Variants in DPP3 observed in about 807,000 individuals in gnomAD.
DPP3 encodes dipeptidyl peptidase 3.
DPP3 carries 64 observed loss-of-function variants against 89.8 expected under a neutral mutation model. The observed-to-expected ratio is 0.71, with a 90% CI of 0.58 to 0.88. The LOEUF (loss-of-function observed/expected upper bound fraction) is 0.88, where lower values mean the gene tolerates loss of function less well. DPP3 is among the 40% of genes least tolerant of loss of function. DPP3 has a pLI of 0.00. For missense variants in DPP3, 835 were observed against 972.5 expected (o/e 0.86, Z 1.88); for synonymous variants, 377 against 404.3 (o/e 0.93, Z 0.81).
intron 6 of DPP3, among the ~76,000 whole-genome samples, chr11:66,489,410 C>T (rs1855317124): frequency 6.6e-6 from 1 of 152,118 alleles, no homozygotes; most frequent in Non-Finnish European, 1.5e-5. Context: ...CCACTGTTGT[C>T]TCCCTGGTGC....
intron 7 of DPP3, 29 bp downstream of exon 7, chr11:66,491,412 G>C (rs1022802836): frequency 6.2e-7 from 1 of 1,609,888 alleles, no homozygotes; most frequent in Admixed American, 1.7e-5. Context: ...TGAGGGGTGC[G>C]GGCTGAGGAC....
chr11:66,491,791 CT>C, intron 9 of DPP3, 35 bp downstream of exon 9: 1 of 1,609,890 alleles, frequency 6.2e-7, no homozygotes, highest in Non-Finnish European at 8.5e-7. Context: ...GTCACAGTCC[CT>C]TCCCCCACAT....
rs543893390 is a variant in DPP3 at position 66,493,139 on chromosome 11, C to T, written c.1256C>T (p.Thr419Met). Residue 419 changes from threonine (T) to methionine (M), a missense_variant, in exon 11 of 18, where the codon ACG becomes ATG. Transcript: ENST00000531863. ...AATGTGCTGGCTGTGGCCTACGCCACGCAGCGGGAGAAGCTTACCTTTCTG... is the reference window on the plus strand; with the variant it reads ...AATGTGCTGGCTGTGGCCTACGCCATGCAGCGGGAGAAGCTTACCTTTCTG... Reference protein sequence around the residue: ...LGNVLAVAYATQREKLTFLEE... With the variant: ...LGNVLAVAYAMQREKLTFLEE... 1.3e-5 allele frequency: 21 copies of T among 1,614,086 alleles called. No homozygotes were observed. The highest frequency in any genetic ancestry group is 4.5e-5 in the East Asian group (2 of 44,888).
At chr11:66,482,076 T>C in intron 1 of DPP3, 117 bp from the exon 2 acceptor site, 1 of 1,405,602 alleles carries the variant, frequency 7.1e-7, no homozygotes, top group Non-Finnish European at 9.6e-7. Context: ...ATGGGTACAA[T>C]AGTATTCCCT....
rs147291241 is a variant in DPP3, at chr11:66,504,664, A to G, written c.1931A>G (p.Tyr644Cys). The G allele has an allele frequency of 6.8e-6, 11 of 1,613,366 alleles. No homozygotes were observed. The highest frequency in any genetic ancestry group is 9.3e-6 in the Non-Finnish European group (11 of 1,179,850). ...VAGGRALYEG[Y>C]ATVTDAPPEC... The stretch of plus-strand genomic sequence containing the variant: ...GGAGGGCGGGCCCTGTACGAGGGGT[A>G]TGCAACAGTCACTGATGCGCCCCCC... The change falls in exon 17 of 18, where the codon TAT becomes TGT. Residue 644 changes from tyrosine to cysteine, a missense_variant. Tyr to Cys is a radical substitution (Grantham distance 194, BLOSUM62 -2). Transcript: ENST00000531863.
intron 3 of DPP3, among the ~76,000 whole-genome samples, chr11:66,485,797 G>A (rs1855209460): frequency 6.6e-6 from 1 of 152,196 alleles, no homozygotes; most frequent in Admixed American, 6.5e-5. Context: ...CCAAGCTGAA[G>A]TGTAGTGGTG....
In DPP3 at chr11:66,498,874, G is replaced by A. The variant is rs571885487; in HGVS notation, c.1878+1397G>A. The stretch of plus-strand genomic sequence containing the variant: ...CAAAAAATTTTAAAAATAGCCAAGT[G>A]TGGTGATGCACGCCTGTGGTCGCAG... On this transcript the variant is annotated intron_variant, in intron 16 of 17. Transcript: ENST00000531863. Among the ~76,000 whole-genome samples, 4 of 152,244 alleles carry A rather than the reference G, an allele frequency of 2.6e-5. No homozygotes were observed. In the East Asian group the frequency reaches 7.7e-4, roughly 29 times the overall value.
chr11:66,491,542 G>C lies in DPP3; in HGVS notation c.847G>C (p.Glu283Gln). The change falls in exon 8 of 18, where the codon GAG becomes CAG. Residue 283 changes from glutamate to glutamine, a missense_variant. Transcript: ENST00000531863. ...HQGQMLAQYI[E>Q]SFTQGSIEAH... ...GGGGCAGATGCTGGCCCAGTATATA[G>C]AGAGCTTCACCCAGGGCTCCATCGA... The C allele has an allele frequency of 2.5e-6, 4 of 1,613,562 alleles. No individual in the cohort carries two copies. The highest frequency in any genetic ancestry group is 3.4e-6 in the Non-Finnish European group (4 of 1,179,810).
At chr11:66,506,599 G>A (rs1855808658) in intron 17 of DPP3, among the ~76,000 whole-genome samples, 1 of 151,840 alleles carries the variant, frequency 6.6e-6, no homozygotes, top group Non-Finnish European at 1.5e-5. Context: ...GCTTTTCCAT[G>A]CTCTCCAGAG....
At chr11:66,493,278 C>A in intron 11 of DPP3, 99 bp downstream of exon 11, 1 of 1,078,590 alleles carries the variant, frequency 9.3e-7, no homozygotes, top group Non-Finnish European at 1.4e-6. Flanking sequence ...AAGCACATAG[C>A]TTCAGTCCTG....
chr11:66,491,782 TCA>T (rs1000433824), intron 9 of DPP3, 26 bp downstream of exon 9: 1 of 1,612,392 alleles, frequency 6.2e-7, no homozygotes, highest in Non-Finnish European at 8.5e-7. Context: ...AGGAGGTCAG[TCA>T]CAGTCCCTTC....
At chr11:66,484,015 G>A (rs1232738297) in intron 2 of DPP3, among the ~76,000 whole-genome samples, 1 of 150,986 alleles carries the variant, frequency 6.6e-6, no homozygotes. Context: ...GTCTCGCTCT[G>A]TCACCAGGCC....
chr11:66,483,454 T>C lies in DPP3; in HGVS notation c.270+984T>C, dbSNP rs1855142298. ...GTTCTTTTCCTGCTTTGTGTCCTGC[T>C]TTTTCCATTGAATGCCATGTCTTGA... On this transcript the variant is annotated intron_variant, in intron 2 of 17. Coordinates refer to ENST00000531863, the MANE Select transcript of DPP3 (RefSeq NM_130443.4). 2.0e-5 allele frequency among the ~76,000 whole-genome samples: 3 copies of C among 152,350 alleles called. No homozygotes were observed. The South Asian group carries it at 6.2e-4, about 32-fold the overall frequency.
At chr11:66,501,565 C>CTT (rs1027957709) in intron 16 of DPP3, among the ~76,000 whole-genome samples, 9 of 152,118 alleles carry the variant, frequency 5.9e-5, no homozygotes, top group African/African-American at 2.2e-4. Context: ...TGGCTCACCA[C>CTT]TGTAATCCCA....
At chr11:66,498,581 C>T (rs905572060) in intron 16 of DPP3, among the ~76,000 whole-genome samples, 6 of 152,094 alleles carry the variant, frequency 3.9e-5, no homozygotes, top group African/African-American at 1.2e-4. Flanking sequence ...AACAGTTTAC[C>T]GTTAATAAAC....
At chr11:66,504,551 C>T in intron 16 of DPP3, 61 bp from the exon 17 acceptor site, 1 of 1,535,190 alleles carries the variant, frequency 6.5e-7, no homozygotes, top group South Asian at 1.3e-5. Context: ...TGGCCTATGG[C>T]AGAGCCCTGT....
intron 17 of DPP3, among the ~76,000 whole-genome samples, chr11:66,505,795 A>G (rs1855784824): frequency 6.7e-6 from 1 of 150,372 alleles, no homozygotes; most frequent in Non-Finnish European, 1.5e-5. Context: ...CTACAGAGCA[A>G]GACCTCAACT....
chr11:66,486,646 C>G lies in DPP3; in HGVS notation c.467C>G (p.Pro156Arg). 6.4e-7 allele frequency: 1 copy of G among 1,571,890 alleles called. No individual in the cohort carries two copies. The highest frequency in any genetic ancestry group is 8.6e-7 in the Non-Finnish European group (1 of 1,158,186). ...GGGGAGCTTATGTTCTCTCTGGAGCCAAGGCTTCGACACCTCGGACTGGGG... is the reference window on the plus strand; with the variant it reads ...GGGGAGCTTATGTTCTCTCTGGAGCGAAGGCTTCGACACCTCGGACTGGGG... ...TCGELMFSLEPRLRHLGLGKE... is the reference protein window; with the variant it reads ...TCGELMFSLERRLRHLGLGKE... Residue 156 changes from proline to arginine, a missense_variant, in exon 4 of 18, where the codon CCA (proline) becomes CGA (arginine). Coordinates refer to ENST00000531863, the MANE Select transcript of DPP3 (RefSeq NM_130443.4).
chr11:66,504,551 C>A (rs1377368157), intron 16 of DPP3, 61 bp from the exon 17 acceptor site: 2 of 1,535,070 alleles, frequency 1.3e-6, no homozygotes, highest in Non-Finnish European at 1.8e-6. Context: ...TGGCCTATGG[C>A]AGAGCCCTGT....
Sources: allele counts gnomAD v4.1 joint callset (sites outside exome capture counted in the v4.1 genomes callset), GRCh38; gene constraint gnomAD v4.1.1; transcripts MANE v1.5; gene names NCBI Gene and HGNC (gene_info 2026-07-23, HGNC 2026-07-21).